The following ZBTB16 variants were observed in gnomAD, a reference collection of about 807,000 sequenced individuals.
ZBTB16 encodes zinc finger and BTB domain-containing protein 16.
In ZBTB16, 8 loss-of-function variants were observed where a neutral mutation model predicts 56.8. The ratio of observed to expected loss-of-function variants is 0.14; its 90% CI spans 0.08 to 0.25. ZBTB16 has a LOEUF of 0.25. Among genes scored for constraint, ZBTB16 ranks in the 10% least tolerant of loss-of-function variants. The pLI is 1.00. For missense variants in ZBTB16, 625 were observed against 903.0 expected (o/e 0.69, Z 3.95); for synonymous variants, 363 against 368.5 (o/e 0.98, Z 0.17).
intron 1 of ZBTB16, among the ~76,000 whole-genome samples, chr11:114,062,441 A>T (rs1234910840): frequency 6.6e-6 from 1 of 152,188 alleles, no homozygotes. Context: ...TGGTGTACAT[A>T]CACACAGTTC....
intron 2 of ZBTB16, among the ~76,000 whole-genome samples, chr11:114,071,569 C>G (rs954516873): frequency 1.3e-5 from 2 of 152,158 alleles, no homozygotes; most frequent in Admixed American, 6.5e-5. Flanking sequence ...TCTTTGATTT[C>G]TTGCTAATTC....
chr11:114,114,692 T>G (rs543894409), intron 2 of ZBTB16, among the ~76,000 whole-genome samples: 39 of 151,844 alleles, frequency 2.6e-4, no homozygotes, highest in African/African-American at 9.4e-4. Context: ...CTTTTTTTTT[T>G]TTTTTGAGGC....
intron 2 of ZBTB16, among the ~76,000 whole-genome samples, chr11:114,094,357 A>G (rs1565621817): frequency 6.6e-6 from 1 of 152,250 alleles, no homozygotes; most frequent in Non-Finnish European, 1.5e-5. Context: ...TGACTTTTTG[A>G]GTAAAACAAA....
At chr11:114,235,629 C>CTTTCTTT (rs1944551537) in intron 4 of ZBTB16, among the ~76,000 whole-genome samples, 14 of 97,848 alleles carry the variant, frequency 1.4e-4, no homozygotes, top group Admixed American at 5.3e-4. Flanking sequence ...CCTCTCCCTT[C>CTTTCTTT]CTTTCTTTCT....
At chr11:114,127,138 C>CA (rs1353485145) in intron 2 of ZBTB16, among the ~76,000 whole-genome samples, 1 of 152,178 alleles carries the variant, frequency 6.6e-6, no homozygotes, top group African/African-American at 2.4e-5. Context: ...TTGGTGACAG[C>CA]AGTGTAGCCC....
chr11:114,071,625 A>G (rs949739438), intron 2 of ZBTB16, among the ~76,000 whole-genome samples: 1 of 152,154 alleles, frequency 6.6e-6, no homozygotes, highest in African/African-American at 2.4e-5. Context: ...TATTAATTTA[A>G]AGCAAGCCCT....
At chr11:114,159,238 C>T (rs115081691) in intron 3 of ZBTB16, among the ~76,000 whole-genome samples, 1 of 152,352 alleles carries the variant, frequency 6.6e-6, no homozygotes, top group African/African-American at 2.4e-5. Flanking sequence ...TCCAGGTCCC[C>T]TGATCTCATA....
intron 4 of ZBTB16, among the ~76,000 whole-genome samples, chr11:114,207,814 A>C (rs1943916454): frequency 6.6e-6 from 1 of 152,110 alleles, no homozygotes; most frequent in African/African-American, 2.4e-5. Flanking sequence ...GGGTTTCACT[A>C]TGTTGACCAG....
At chr11:114,162,584 C>T (rs921475293) in intron 3 of ZBTB16, among the ~76,000 whole-genome samples, 1 of 152,312 alleles carries the variant, frequency 6.6e-6, no homozygotes, top group Non-Finnish European at 1.5e-5. Context: ...ATCCATGCAC[C>T]CTCTGCCCAC....
chr11:114,235,855 C>T (rs1213386746), intron 4 of ZBTB16, among the ~76,000 whole-genome samples: 7 of 149,326 alleles, frequency 4.7e-5, no homozygotes, highest in Non-Finnish European at 7.4e-5. Flanking sequence ...CATACATGCC[C>T]TGTAGTCAAA....
intron 3 of ZBTB16, among the ~76,000 whole-genome samples, chr11:114,182,593 G>T (rs1198181578): frequency 6.6e-6 from 1 of 152,176 alleles, no homozygotes; most frequent in Non-Finnish European, 1.5e-5. Flanking sequence ...TGTGTCCCTG[G>T]AGTTCTCCCT....
At position 114,063,624 on chromosome 11, in the gene ZBTB16, C is replaced by A; in HGVS notation, c.324C>A (p.Ile108=). ...ATGACCTGCTGTATGCGGCCGAGAT[C>A]CTGGAGATCGAGTACCTGGAGGAAC... The part of the protein sequence containing the change: ...DLDDLLYAAE[I]LEIEYLEEQC... Residue 108 remains isoleucine, a synonymous_variant, in exon 2 of 7, where the codon ATC becomes ATA. Transcript: ENST00000335953. The surrounding 1 kb of genome is among the most constrained non-coding windows in gnomAD (Gnocchi z 6.5). 1 of 1,614,182 alleles carries A rather than the reference C, an allele frequency of 6.2e-7. No homozygotes were observed.
chr11:114,142,773 G>T (rs1941989866), intron 2 of ZBTB16, among the ~76,000 whole-genome samples: 1 of 152,016 alleles, frequency 6.6e-6, no homozygotes, highest in Non-Finnish European at 1.5e-5. Flanking sequence ...GGGGGAGCTG[G>T]GGGGATTGTG....
intron 2 of ZBTB16, among the ~76,000 whole-genome samples, chr11:114,087,484 C>T (rs934984339): frequency 5.9e-5 from 9 of 152,200 alleles, no homozygotes; most frequent in African/African-American, 2.2e-4. Flanking sequence ...TTTGTGGTCT[C>T]TGCCCTCTTC....
rs556641869 is a variant in ZBTB16 at position 114,060,087 on chromosome 11, C to G, written c.-91+205C>G. ...GGTCGGCTAGAAGGGGGAGCCCCGG[C>G]TGTCAGCCTGGGCGCAGCTGCCTCC... On this transcript the variant is annotated intron_variant, in intron 1 of 6. Transcript: ENST00000335953. This position sits in a 1 kb window ranked among gnomAD's most constrained non-coding sequence, Gnocchi z 6.0. Among the ~76,000 whole-genome samples, 490 of 152,284 alleles carry G rather than the reference C, an allele frequency of 3.2e-3. 2 individuals are homozygous for G. Among genetic ancestry groups the G allele is most frequent in the African/African-American group, 0.011 (468 of 41,580 alleles).
At chr11:114,159,441 C>T (rs185802150) in intron 3 of ZBTB16, among the ~76,000 whole-genome samples, 28 of 152,340 alleles carry the variant, frequency 1.8e-4, no homozygotes, top group Admixed American at 1.6e-3. Context: ...TTAATTCACC[C>T]TTGCAGATAG....
At chr11:114,065,454 T>C (rs1939078496) in intron 2 of ZBTB16, among the ~76,000 whole-genome samples, 1 of 152,194 alleles carries the variant, frequency 6.6e-6, no homozygotes, top group South Asian at 2.1e-4. Flanking sequence ...TTCGCTCTCC[T>C]TGCCCAGGCT....
chr11:114,218,531 T>G (rs1464200634), intron 4 of ZBTB16, among the ~76,000 whole-genome samples: 1 of 152,212 alleles, frequency 6.6e-6, no homozygotes, highest in African/African-American at 2.4e-5. Context: ...CTGGAGTGAT[T>G]GACATAAAGC....
rs1345628725 is a variant in ZBTB16 at position 114,064,794 on chromosome 11, G to A, written c.1268+226G>A. On this transcript the variant is annotated intron_variant, in intron 2 of 6. Coordinates refer to ENST00000335953, the MANE Select transcript of ZBTB16 (RefSeq NM_006006.6). This position sits in a 1 kb window ranked among gnomAD's most constrained non-coding sequence, Gnocchi z 4.2. ...AAAAAGCACCAGGGGACACTCATGG[G>A]CGCAGCTTCTTAATAGGCCCTTCCC... 6.6e-6 allele frequency among the ~76,000 whole-genome samples: 1 copy of A among 152,226 alleles called. No individual in the cohort carries two copies.
Sources: gnomAD v4.1 joint callset for allele counts (sites outside exome capture counted in the v4.1 genomes callset) on GRCh38, gnomAD v4.1.1 for gene constraint, Gnocchi (gnomAD v3.1) non-coding constraint, MANE v1.5 for transcripts, NCBI Gene and HGNC (gene_info 2026-07-23, HGNC 2026-07-21) for gene names.